ZEB1: variants seen among roughly 807,000 people sequenced by gnomAD.
The protein encoded by ZEB1 is zinc finger E-box-binding homeobox 1.
A neutral mutation model predicts 84.9 loss-of-function variants in ZEB1; 21 were observed. The ratio of observed to expected loss-of-function variants is 0.25; its 90% CI spans 0.18 to 0.36. The LOEUF is 0.36. ZEB1 is among the 10% of genes least tolerant of loss of function. The probability of loss-of-function intolerance (pLI) is 1.00; values close to 1 mark genes in which losing one functional copy is unlikely to be tolerated. For missense variants in ZEB1, 1,104 were observed against 1,330.2 expected, an observed-to-expected ratio of 0.83 and a Z score of 2.65; for synonymous variants, 420 against 471.1, an observed-to-expected ratio of 0.89 and a Z score of 1.41.
intron 3 of ZEB1, 96 bp downstream of exon 3, chr10:31,495,934 C>G (rs2067162399): frequency 7.6e-7 from 1 of 1,322,926 alleles, no homozygotes; most frequent in African/African-American, 1.5e-5. Flanking sequence ...TAGTCCGTTT[C>G]CTTCTCTTTT....
chr10:31,376,101 A>G (rs1377963551), intron 1 of ZEB1, among the ~76,000 whole-genome samples: 1 of 151,830 alleles, frequency 6.6e-6, no homozygotes, highest in Non-Finnish European at 1.5e-5. Flanking sequence ...CAGATAGAAT[A>G]GCAAATCACA....
chr10:31,376,649 C>CA (rs2046673097), intron 1 of ZEB1, among the ~76,000 whole-genome samples: 1 of 151,656 alleles, frequency 6.6e-6, no homozygotes, highest in African/African-American at 2.4e-5. Context: ...ACCAGCTTTG[C>CA]AGTCTTAGGA....
chr10:31,452,796 G>A lies in ZEB1; in HGVS notation c.59-8241G>A, dbSNP rs2060769176. 3.7e-5 allele frequency among the ~76,000 whole-genome samples: 5 copies of A among 136,890 alleles called. No individual in the cohort carries two copies. In the South Asian group the frequency reaches 1.2e-3, roughly 34 times the overall value. The allele number at this position is 136,890 out of a possible 152,430, so 89.8% of individuals were successfully genotyped here. ...GAGAGATGTTATTGTAGTCCCAATTGATGTTAAAGAATAATGGATGGAAAC... is the reference window on the plus strand; with the variant it reads ...GAGAGATGTTATTGTAGTCCCAATTAATGTTAAAGAATAATGGATGGAAAC... On this transcript the variant is annotated intron_variant, in intron 1 of 8. Transcript: ENST00000424869.
intron 1 of ZEB1, among the ~76,000 whole-genome samples, chr10:31,398,502 C>T (rs779383458): frequency 6.6e-6 from 1 of 152,114 alleles, no homozygotes; most frequent in Non-Finnish European, 1.5e-5. Context: ...CACCAACATA[C>T]AAATAATGTT....
intron 1 of ZEB1, among the ~76,000 whole-genome samples, chr10:31,344,552 A>G (rs1590132491): frequency 6.6e-6 from 1 of 152,262 alleles, no homozygotes; most frequent in Admixed American, 6.5e-5. Flanking sequence ...TCCCCAGCAG[A>G]AACTATTGTA....
At chr10:31,478,285 A>C (rs533805835) in intron 2 of ZEB1, among the ~76,000 whole-genome samples, 2 of 152,076 alleles carry the variant, frequency 1.3e-5, no homozygotes, top group Non-Finnish European at 2.9e-5. Flanking sequence ...GAGAAGTGCA[A>C]ATTGAAGCCA....
At chr10:31,491,452 C>T (rs1297525323) in intron 2 of ZEB1, among the ~76,000 whole-genome samples, 1 of 151,862 alleles carries the variant, frequency 6.6e-6, no homozygotes, top group Admixed American at 6.6e-5. Flanking sequence ...GAGACTTTTC[C>T]TGCTCCTTGA....
At chr10:31,321,428 G>T (rs1444409769) in intron 1 of ZEB1, 1 of 1,612,632 alleles carries the variant, frequency 6.2e-7, no homozygotes, top group Non-Finnish European at 8.5e-7. Flanking sequence ...TTATAGCAAG[G>T]AGTGGAGCAT....
intron 1 of ZEB1, among the ~76,000 whole-genome samples, chr10:31,404,581 T>G (rs1336036588): frequency 6.6e-6 from 1 of 152,174 alleles, no homozygotes; most frequent in East Asian, 1.9e-4. Flanking sequence ...ACTTTATAGT[T>G]TTCTAGGAAG....
At chr10:31,416,995 C>G (rs894082911) in intron 1 of ZEB1, among the ~76,000 whole-genome samples, 3 of 152,170 alleles carry the variant, frequency 2.0e-5, no homozygotes, top group African/African-American at 7.2e-5. Context: ...CATCAGCATC[C>G]ATGCTGAGAA....
chr10:31,455,850 G>A (rs1156301400), intron 1 of ZEB1, among the ~76,000 whole-genome samples: 3 of 152,136 alleles, frequency 2.0e-5, no homozygotes, highest in Admixed American at 6.5e-5. Flanking sequence ...ACAATGTGGC[G>A]ATTCCTCAAG....
intron 1 of ZEB1, among the ~76,000 whole-genome samples, chr10:31,458,240 G>T (rs1375266999): frequency 6.6e-6 from 1 of 151,924 alleles, no homozygotes; most frequent in South Asian, 2.1e-4. Context: ...CAAGTAGGTT[G>T]CTAATAAGTA....
chr10:31,409,766 T>C (rs945350929), intron 1 of ZEB1, among the ~76,000 whole-genome samples: 6 of 152,244 alleles, frequency 3.9e-5, no homozygotes, highest in South Asian at 2.1e-4. Context: ...TTATTCTCTT[T>C]GTAGCAGTTG....
chr10:31,318,507 C>T (rs560724235), upstream of ZEB1: 4 of 153,404 alleles, frequency 2.6e-5, no homozygotes, highest in South Asian at 2.0e-4. Flanking sequence ...AGTCACTTCC[C>T]ATCCCGGTTC....
intron 1 of ZEB1, among the ~76,000 whole-genome samples, chr10:31,446,727 G>C (rs990298470): frequency 3.9e-5 from 6 of 152,074 alleles, no homozygotes; most frequent in Non-Finnish European, 5.9e-5. Context: ...GCAGCTTTGA[G>C]TGAGATTCTT....
intron 1 of ZEB1, among the ~76,000 whole-genome samples, chr10:31,444,914 T>A (rs892562798): frequency 1.3e-5 from 2 of 152,158 alleles, no homozygotes; most frequent in African/African-American, 4.8e-5. Context: ...TTTGGTTCCA[T>A]ATGAACTTTA....
chr10:31,372,411 C>T (rs1590467049), intron 1 of ZEB1, among the ~76,000 whole-genome samples: 2 of 151,840 alleles, frequency 1.3e-5, no homozygotes, highest in African/African-American at 2.4e-5. Context: ...GGTCAAAAAT[C>T]GTATATAAAT....
intron 2 of ZEB1, among the ~76,000 whole-genome samples, chr10:31,474,468 C>G (rs11527627): frequency 0.043 from 6,475 of 152,206 alleles, 363 homozygotes; most frequent in African/African-American, 0.12. Flanking sequence ...AAATGCTCAT[C>G]ATCACTGGCC....
intron 1 of ZEB1, among the ~76,000 whole-genome samples, chr10:31,453,620 A>C (rs2060853505): frequency 6.6e-6 from 1 of 152,008 alleles, no homozygotes; most frequent in African/African-American, 2.4e-5. Flanking sequence ...GTTCTTGTAA[A>C]GATTTATTGA....
Sources: allele counts gnomAD v4.1 joint callset (sites outside exome capture counted in the v4.1 genomes callset), GRCh38; gene constraint gnomAD v4.1.1; transcripts MANE v1.5; gene names NCBI Gene and HGNC (gene_info 2026-07-23, HGNC 2026-07-21).